The following PHACTR1 variants were observed in gnomAD, a reference collection of about 807,000 sequenced individuals.
PHACTR1 encodes the protein phosphatase and actin regulator 1.
Under a neutral mutation model 69.2 loss-of-function variants are expected in PHACTR1, and 16 were observed. That is an observed-to-expected ratio of 0.23 (90% CI 0.16 to 0.35). The LOEUF is 0.35. Ranked by LOEUF, PHACTR1 falls within the 10% of genes least tolerant of loss-of-function variation. The pLI, the probability that PHACTR1 is intolerant of heterozygous loss-of-function variation, is 1.00. For missense variants in PHACTR1, 510 were observed against 734.7 expected, an observed-to-expected ratio of 0.69 and a Z score of 3.54; for synonymous variants, 312 against 284.5, an observed-to-expected ratio of 1.10 and a Z score of -0.97.
At chr6:13,222,303 G>C (rs987027715) in intron 8 of PHACTR1, among the ~76,000 whole-genome samples, 1 of 152,214 alleles carries the variant, frequency 6.6e-6, no homozygotes, top group Non-Finnish European at 1.5e-5. Context: ...TCAGACCACT[G>C]AGTGTCATTC....
chr6:13,214,726 A>G (rs1207957447), intron 8 of PHACTR1, among the ~76,000 whole-genome samples: 2 of 152,204 alleles, frequency 1.3e-5, no homozygotes, highest in Non-Finnish European at 2.9e-5. Flanking sequence ...AGACCAGGTG[A>G]GTTCACATGG....
chr6:13,193,353 C>G (rs570779454), intron 7 of PHACTR1, among the ~76,000 whole-genome samples: 732 of 31,154 alleles, frequency 0.023, 13 homozygotes, highest in African/African-American at 0.083. Flanking sequence ...TAATAGCTCT[C>G]TGTGTATATA....
intron 4 of PHACTR1, among the ~76,000 whole-genome samples, chr6:12,750,045 A>G (rs899089474): frequency 3.3e-5 from 5 of 152,140 alleles, no homozygotes; most frequent in African/African-American, 7.2e-5. Context: ...AAGTGCTGTC[A>G]GTGACCACAG....
intron 5 of PHACTR1, among the ~76,000 whole-genome samples, chr6:13,073,385 C>T (rs777783696): frequency 1.7e-4 from 20 of 119,144 alleles, no homozygotes; most frequent in Non-Finnish European, 2.8e-4. Flanking sequence ...ACTCTGTCAC[C>T]CAGGCTGGAG....
chr6:12,836,888 G>C (rs1778224559), intron 4 of PHACTR1, among the ~76,000 whole-genome samples: 1 of 152,144 alleles, frequency 6.6e-6, no homozygotes, highest in Non-Finnish European at 1.5e-5. Flanking sequence ...ACCAGAAGCT[G>C]GCTTATCAAG....
intron 4 of PHACTR1, among the ~76,000 whole-genome samples, chr6:13,003,970 TATATATATAC>T (rs1798454843): frequency 3.0e-5 from 4 of 131,710 alleles, no homozygotes; most frequent in African/African-American, 9.5e-5. Context: ...TATATGTATA[TATATATATAC>T]ACATATATAT....
chr6:12,743,319 G>C (rs1765321539), intron 3 of PHACTR1, among the ~76,000 whole-genome samples: 1 of 151,812 alleles, frequency 6.6e-6, no homozygotes, highest in African/African-American at 2.4e-5. Context: ...AATCATAATA[G>C]AACCAATTTG....
rs547670652 is a variant in PHACTR1 at position 13,213,088 on chromosome 6, T to TTGAGTGAGTGAGTGAGTGAGTGAG, written c.986+6960_986+6983dup. Among the ~76,000 whole-genome samples, 51 of 151,882 alleles carry TTGAGTGAGTGAGTGAGTGAGTGAG rather than the reference T, an allele frequency of 3.4e-4. 1 individual carries two copies. The highest frequency in any genetic ancestry group is 1.1e-3 in the African/African-American group (47 of 41,320). On this transcript the variant is annotated intron_variant, in intron 8 of 14. Coordinates refer to ENST00000332995, the MANE Select transcript of PHACTR1 (RefSeq NM_030948.6). ...CTACAACAGGGCCTGGCTTATAGGT[T>TTGAGTGAGTGAGTGAGTGAGTGAG]TGAGTGAGTGAGTGAGTGAGTGAGT...
At chr6:13,224,525 C>T (rs186587420) in intron 8 of PHACTR1, among the ~76,000 whole-genome samples, 22 of 152,246 alleles carry the variant, frequency 1.4e-4, no homozygotes, top group African/African-American at 3.9e-4. Flanking sequence ...TGTTTGCAGG[C>T]TAATGGTTTT....
At chr6:13,103,753 T>C (rs527764310) in intron 5 of PHACTR1, among the ~76,000 whole-genome samples, 1 of 152,352 alleles carries the variant, frequency 6.6e-6, no homozygotes, top group African/African-American at 2.4e-5. Context: ...GATCTTAACA[T>C]TGGTGCCATA....
At chr6:13,210,267 A>C (rs1766613406) in intron 8 of PHACTR1, among the ~76,000 whole-genome samples, 1 of 152,146 alleles carries the variant, frequency 6.6e-6, no homozygotes, top group South Asian at 2.1e-4. Context: ...ATCCTGCCTC[A>C]GCCTCCCAAA....
chr6:13,004,572 T>C (rs1179817805), intron 4 of PHACTR1, among the ~76,000 whole-genome samples: 1 of 152,230 alleles, frequency 6.6e-6, no homozygotes, highest in Non-Finnish European at 1.5e-5. Context: ...CTTTAAGTTA[T>C]GGGATACATG....
chr6:12,923,472 A>G (rs1393794912), intron 4 of PHACTR1, among the ~76,000 whole-genome samples: 2 of 152,264 alleles, frequency 1.3e-5, no homozygotes, highest in Non-Finnish European at 2.9e-5. Flanking sequence ...TATCCTTGAC[A>G]TCATGCATGA....
intron 7 of PHACTR1, among the ~76,000 whole-genome samples, chr6:13,198,136 A>G (rs879905927): frequency 6.6e-6 from 1 of 152,264 alleles, no homozygotes; most frequent in African/African-American, 2.4e-5. Context: ...TTGGGTATCT[A>G]CTATGCACTA....
intron 4 of PHACTR1, among the ~76,000 whole-genome samples, chr6:12,801,634 G>A (rs1281539290): frequency 1.3e-5 from 2 of 152,188 alleles, no homozygotes; most frequent in East Asian, 3.9e-4. Flanking sequence ...GAAGCATTTA[G>A]TAGAATCTTG....
In PHACTR1 at chr6:12,854,959, T is replaced by C. The variant is rs190981209; in HGVS notation, c.250+105169T>C. Reference sequence around the variant, plus strand: ...TGGGAACGCAAATTAGTACAGCCCCTGTGGAAAGCAGTTTGCAGATTTCTC... The same window carrying C: ...TGGGAACGCAAATTAGTACAGCCCCCGTGGAAAGCAGTTTGCAGATTTCTC... On this transcript the variant is annotated intron_variant, in intron 4 of 14. Transcript: ENST00000332995. Among the ~76,000 whole-genome samples the C allele has an allele frequency of 1.4e-3, 206 of 152,302 alleles. 1 individual carries two copies. Among genetic ancestry groups the C allele is most frequent in the Non-Finnish European group, 2.0e-3 (138 of 68,030 alleles).
At chr6:12,740,878 T>C (rs1333945300) in intron 3 of PHACTR1, among the ~76,000 whole-genome samples, 1 of 152,080 alleles carries the variant, frequency 6.6e-6, no homozygotes, top group Non-Finnish European at 1.5e-5. Flanking sequence ...CTGATATTGA[T>C]GATTCATATC....
chr6:13,230,573 G>T, intron 10 of PHACTR1, among the ~76,000 whole-genome samples: 1 of 146,564 alleles, frequency 6.8e-6, no homozygotes, highest in Non-Finnish European at 1.5e-5. Context: ...AAAAGGAAGA[G>T]ACAATGGAAA....
chr6:13,047,968 A>T (rs1051943921), intron 4 of PHACTR1, among the ~76,000 whole-genome samples: 6 of 152,010 alleles, frequency 3.9e-5, no homozygotes, highest in Non-Finnish European at 7.4e-5. Context: ...GGTTCAGAAC[A>T]CCATCTGGCC....
Sources: allele counts gnomAD v4.1 joint callset (sites outside exome capture counted in the v4.1 genomes callset), GRCh38; gene constraint gnomAD v4.1.1; transcripts MANE v1.5; gene names NCBI Gene and HGNC (gene_info 2026-07-23, HGNC 2026-07-21).